The following CASZ1 variants were observed in gnomAD, a reference collection of about 807,000 sequenced individuals.
CASZ1 encodes castor zinc finger 1, also known as zinc finger protein castor homolog 1.
A neutral mutation model predicts 135.2 loss-of-function variants in CASZ1; 28 were observed. That is an observed-to-expected ratio of 0.21 (90% CI 0.15 to 0.28). The LOEUF (loss-of-function observed/expected upper bound fraction) is 0.28. CASZ1 is among the 10% of genes least tolerant of loss of function. The pLI is 1.00. For synonymous variants in CASZ1, 1,068 were observed against 1,073.4 expected, an observed-to-expected ratio of 0.99 and a Z score of 0.10; for missense variants, 2,161 against 2,453.3, an observed-to-expected ratio of 0.88 and a Z score of 2.52.
Position 10,667,652 on chromosome 1 carries a change from G to C in CASZ1, c.17-2081C>G, listed in dbSNP as rs551816719. Among the ~76,000 whole-genome samples the C allele has an allele frequency of 5.3e-3, 810 of 152,304 alleles. 8 individuals are homozygous for C. Among genetic ancestry groups the C allele is most frequent in the African/African-American group, 0.016 (677 of 41,568 alleles). On this transcript the variant is annotated intron_variant, in intron 4 of 20. Transcript: ENST00000377022. ...CCTTGCCCTGGATGGGGAAGGGAAG[G>C]GGGGAGTGGGGGAGCCTGCACTATT...
intron 4 of CASZ1, among the ~76,000 whole-genome samples, chr1:10,680,912 T>C (rs1638395320): frequency 6.6e-6 from 1 of 152,184 alleles, no homozygotes; most frequent in Non-Finnish European, 1.5e-5. Flanking sequence ...TTTCTTTCTT[T>C]TTTTTGGAGA....
intron 5 of CASZ1, 94 bp from the exon 6 acceptor site, chr1:10,660,630 G>A (rs1419142308): frequency 3.1e-6 from 3 of 974,080 alleles, no homozygotes; most frequent in Admixed American, 4.3e-5. Context: ...GAGGGAGGGG[G>A]TCAGTGTGGG....
chr1:10,790,965 AT>A lies in CASZ1; in HGVS notation c.-234+5598del, dbSNP rs954594785. Among the ~76,000 whole-genome samples the A allele has an allele frequency of 2.7e-3, 400 of 150,428 alleles. 3 individuals carry two copies. Among genetic ancestry groups the A allele is most frequent in the African/African-American group, 7.3e-3 (299 of 41,022 alleles). ...TGTAAAGGGTAGATCATAAAAGGTG[AT>A]TTTTTTTTTAAAAAAGAAAAAATTT... On this transcript the variant is annotated intron_variant, in intron 1 of 20. Transcript: ENST00000377022.
At chr1:10,678,607 C>T (rs929611669) in intron 4 of CASZ1, among the ~76,000 whole-genome samples, 5 of 151,960 alleles carry the variant, frequency 3.3e-5, no homozygotes, top group African/African-American at 4.8e-5. Flanking sequence ...GCGCAGGGGC[C>T]GTCAGGTAAA....
At chr1:10,780,414 A>C (rs1421714086) in intron 1 of CASZ1, among the ~76,000 whole-genome samples, 1 of 152,132 alleles carries the variant, frequency 6.6e-6, no homozygotes, top group Non-Finnish European at 1.5e-5. Context: ...CTCATTACCA[A>C]AAAGATGGCT....
intron 1 of CASZ1, among the ~76,000 whole-genome samples, chr1:10,773,271 A>T (rs888933760): frequency 2.6e-5 from 4 of 152,186 alleles, no homozygotes; most frequent in African/African-American, 9.7e-5. Flanking sequence ...ACCTTATCCC[A>T]GCTGTCTGGT....
chr1:10,653,271 G>A (rs1368936563), intron 11 of CASZ1, 106 bp downstream of exon 11: 4 of 1,151,840 alleles, frequency 3.5e-6, no homozygotes, highest in Non-Finnish European at 5.2e-6. Context: ...GGGGCCACAC[G>A]GACACTTCTT....
At chr1:10,693,113 G>A (rs1460912430) in intron 4 of CASZ1, among the ~76,000 whole-genome samples, 1 of 152,102 alleles carries the variant, frequency 6.6e-6, no homozygotes, top group Non-Finnish European at 1.5e-5. Flanking sequence ...CAGGCCTCCT[G>A]GAGCCCCCGG....
rs1212587197 is a variant in CASZ1 at position 10,788,100 on chromosome 1, G to C, written c.-234+8464C>G. 1.3e-5 allele frequency among the ~76,000 whole-genome samples: 2 copies of C among 152,128 alleles called. No homozygotes were observed. Among genetic ancestry groups the C allele is most frequent in the East Asian group, 1.9e-4 (1 of 5,188 alleles). On this transcript the variant is annotated intron_variant, in intron 1 of 20. Coordinates refer to ENST00000377022, the MANE Select transcript of CASZ1 (RefSeq NM_001079843.3). This position sits in a 1 kb window ranked among gnomAD's most constrained non-coding sequence, Gnocchi z 4.1. ...ATCCCAGAGAACGTTAGCTGGATAC[G>C]GGGATGTTCTCATCCAGAACATCCC...
intron 4 of CASZ1, among the ~76,000 whole-genome samples, chr1:10,690,140 C>T (rs1033814532): frequency 6.6e-6 from 1 of 152,244 alleles, no homozygotes; most frequent in East Asian, 1.9e-4. Flanking sequence ...CTAAACCCGG[C>T]GTGGAATCTC....
Position 10,726,440 on chromosome 1 carries a change from G to A in CASZ1, c.-76-20896C>T, listed in dbSNP as rs1161597336. On this transcript the variant is annotated intron_variant, in intron 2 of 20. Coordinates refer to ENST00000377022, the MANE Select transcript of CASZ1 (RefSeq NM_001079843.3). The surrounding 1 kb of genome is among the most constrained non-coding windows in gnomAD (Gnocchi z 5.7). ...CATGGCCATCACAGTCCTCCTGGCTGGAGCCGGAGGGAGGAGGAGGGCGGT... is the reference window on the plus strand; with the variant it reads ...CATGGCCATCACAGTCCTCCTGGCTAGAGCCGGAGGGAGGAGGAGGGCGGT... Among the ~76,000 whole-genome samples, 11 of 152,234 alleles carry A rather than the reference G, an allele frequency of 7.2e-5. No individual in the cohort carries two copies. The highest frequency in any genetic ancestry group is 6.5e-4 in the Admixed American group (10 of 15,292).
Position 10,700,530 on chromosome 1 carries a change from C to G in CASZ1, c.-24+4962G>C, listed in dbSNP as rs1639041095. ...ATGTACACGCCTGAGCCTGAACTGTCAGACACACATGATAGGCACATGTGT... is the reference window on the plus strand; with the variant it reads ...ATGTACACGCCTGAGCCTGAACTGTGAGACACACATGATAGGCACATGTGT... On this transcript the variant is annotated intron_variant, in intron 3 of 20. Transcript: ENST00000377022. This position sits in a 1 kb window ranked among gnomAD's most constrained non-coding sequence, Gnocchi z 4.2. Among the ~76,000 whole-genome samples the G allele has an allele frequency of 6.6e-6, 1 of 152,164 alleles. No individual in the cohort carries two copies. The highest frequency in any genetic ancestry group is 6.5e-5 in the Admixed American group (1 of 15,290).
At chr1:10,775,074 C>T (rs747579762) in intron 1 of CASZ1, among the ~76,000 whole-genome samples, 2 of 152,072 alleles carry the variant, frequency 1.3e-5, no homozygotes, top group Non-Finnish European at 2.9e-5. Context: ...ATTTCCCCCG[C>T]ACCAGGCAGT....
chr1:10,708,662 A>G (rs1413051214), intron 2 of CASZ1, among the ~76,000 whole-genome samples: 9 of 152,114 alleles, frequency 5.9e-5, no homozygotes, highest in African/African-American at 2.2e-4. Context: ...TCTGAAGCAC[A>G]GTGGTCTCTC....
chr1:10,640,618 C>T (rs1426014060), intron 20 of CASZ1, among the ~76,000 whole-genome samples: 2 of 152,218 alleles, frequency 1.3e-5, no homozygotes, highest in Non-Finnish European at 2.9e-5. Context: ...CCCTAAGGAG[C>T]ACCTTGTCCT....
Position 10,758,535 on chromosome 1 carries a change from T to C in CASZ1, c.-77+2166A>G, listed in dbSNP as rs568259047. ...TTAGTAGAGATGGGGTTTTGCCATG[T>C]TGGCCAGGCTGGTCTTAAACTCCTG... On this transcript the variant is annotated intron_variant, in intron 2 of 20. Transcript: ENST00000377022. Among the ~76,000 whole-genome samples, 7 of 152,338 alleles carry C rather than the reference T, an allele frequency of 4.6e-5. No homozygotes were observed. The South Asian group carries it at 1.5e-3, about 32-fold the overall frequency.
chr1:10,642,662 G>C (rs545585166), intron 20 of CASZ1, among the ~76,000 whole-genome samples, 197 bp downstream of exon 20: 8 of 152,230 alleles, frequency 5.3e-5, no homozygotes, highest in Non-Finnish European at 1.2e-4. Context: ...TGACGCAAAG[G>C]GCAGTGCCAG....
At position 10,646,926 on chromosome 1, in the gene CASZ1, G is replaced by A. The variant is rs1642379534; in HGVS notation, c.3498-600C>T. On this transcript the variant is annotated intron_variant, in intron 16 of 20. Transcript: ENST00000377022. This position sits in a 1 kb window ranked among gnomAD's most constrained non-coding sequence, Gnocchi z 6.4. ...GCCGGCGGAGTGGGAGAGCTGCTGGGGCAGAGCGGGTGTGCTGGCCTGCCC... is the reference window on the plus strand; with the variant it reads ...GCCGGCGGAGTGGGAGAGCTGCTGGAGCAGAGCGGGTGTGCTGGCCTGCCC... Among the ~76,000 whole-genome samples the A allele has an allele frequency of 1.3e-5, 2 of 152,328 alleles. No individual in the cohort carries two copies. The highest frequency in any genetic ancestry group is 4.1e-4 in the South Asian group (2 of 4,826).
rs975904243 is a variant in CASZ1 at position 10,747,141 on chromosome 1, C to T, written c.-77+13560G>A. 9.9e-5 allele frequency among the ~76,000 whole-genome samples: 15 copies of T among 152,206 alleles called. No homozygotes were observed. Among genetic ancestry groups the T allele is most frequent in the African/African-American group, 3.4e-4 (14 of 41,436 alleles). On this transcript the variant is annotated intron_variant, in intron 2 of 20. Transcript: ENST00000377022. The surrounding 1 kb of genome is among the most constrained non-coding windows in gnomAD (Gnocchi z 4.3). The stretch of plus-strand genomic sequence containing the variant: ...AGGTAAGCACACACAGACCCTTTGC[C>T]CCAGGAGGCTCCAGCTACTCCACCA...
Sources: gnomAD v4.1 joint callset for allele counts (sites outside exome capture counted in the v4.1 genomes callset) on GRCh38, gnomAD v4.1.1 for gene constraint, Gnocchi (gnomAD v3.1) non-coding constraint, MANE v1.5 for transcripts, NCBI Gene and HGNC (gene_info 2026-07-23, HGNC 2026-07-21) for gene names.